Variants in ATP2A1 observed in about 807,000 individuals in gnomAD.
ATP2A1 encodes sarcoplasmic/endoplasmic reticulum calcium ATPase 1.
A neutral mutation model predicts 109.5 loss-of-function variants in ATP2A1; 83 were observed. The ratio of observed to expected loss-of-function variants is 0.76; its 90% confidence interval spans 0.63 to 0.91. The LOEUF (loss-of-function observed/expected upper bound fraction) is 0.91. Among genes scored for constraint, ATP2A1 ranks in the 40% least tolerant of loss-of-function variants. ATP2A1 has a pLI of 0.00. For missense variants in ATP2A1, 1,101 were observed against 1,341.0 expected (o/e 0.82, Z 2.80); for synonymous variants, 505 against 537.6 (o/e 0.94, Z 0.84).
Position 28,903,025 on chromosome 16 carries a change from T to C in ATP2A1, c.2745-5T>C. On this transcript the variant is annotated splice_polypyrimidine_tract_variant and splice_region_variant and intron_variant, in intron 19 of 22. Transcript: ENST00000395503. The surrounding 1 kb of genome is among the most constrained non-coding windows in gnomAD (Gnocchi z 5.6). Reference sequence around the variant, plus strand: ...GTGCCTTCTCCCTCCCCTTCCCCTCTGCAGCCTGTCCGAGAACCAGTCCCT... The same window carrying C: ...GTGCCTTCTCCCTCCCCTTCCCCTCCGCAGCCTGTCCGAGAACCAGTCCCT... 6.2e-7 allele frequency: 1 copy of C among 1,613,566 alleles called. No homozygotes were observed. Among genetic ancestry groups the C allele is most frequent in the Non-Finnish European group, 8.5e-7 (1 of 1,179,900 alleles).
chr16:28,896,883 G>T (rs965975118), intron 12 of ATP2A1, among the ~76,000 whole-genome samples: 13 of 151,816 alleles, frequency 8.6e-5, no homozygotes, highest in Admixed American at 8.5e-4. Flanking sequence ...AGTAGAGACG[G>T]GGTTTCTCCA....
chr16:28,887,789 T>C, intron 8 of ATP2A1, 67 bp downstream of exon 8: 1 of 1,569,658 alleles, frequency 6.4e-7, no homozygotes. Flanking sequence ...TTTCTTTTCT[T>C]TTCTTTTCTT....
chr16:28,888,278 C>T (rs1280021500), intron 8 of ATP2A1, among the ~76,000 whole-genome samples: 2 of 152,164 alleles, frequency 1.3e-5, no homozygotes, highest in East Asian at 3.9e-4. Context: ...AGCAATCCAC[C>T]CGCCTCGGCC....
At chr16:28,886,488 G>A (rs920615405) in intron 6 of ATP2A1, among the ~76,000 whole-genome samples, 3 of 152,096 alleles carry the variant, frequency 2.0e-5, no homozygotes, top group East Asian at 1.9e-4. Flanking sequence ...AGGCATGGTC[G>A]TAAGTGTAGG....
chr16:28,878,983 G>C, intron 1 of ATP2A1, 116 bp from the exon 2 acceptor site: 1 of 1,460,462 alleles, frequency 6.8e-7, no homozygotes, highest in Non-Finnish European at 9.6e-7. Context: ...GTTTTAATGG[G>C]ATGAACTTGA....
intron 9 of ATP2A1, among the ~76,000 whole-genome samples, chr16:28,893,049 A>T (rs1284722573): frequency 1.3e-5 from 2 of 150,888 alleles, no homozygotes; most frequent in Non-Finnish European, 2.9e-5. Flanking sequence ...AAAAAAAAAA[A>T]GAATTGCCCA....
chr16:28,880,484 TC>T lies in ATP2A1; in HGVS notation c.220-430del, dbSNP rs1963436826. Among the ~76,000 whole-genome samples the T allele has an allele frequency of 6.6e-6, 1 of 152,224 alleles. No homozygotes were observed. Among genetic ancestry groups the T allele is most frequent in the African/African-American group, 2.4e-5 (1 of 41,458 alleles). The stretch of plus-strand genomic sequence containing the variant: ...TAACCCTATCCCCGCTCCGGCTCCC[TC>T]GTGAAACCGGAGCTTCCCTGCCTTG... On this transcript the variant is annotated intron_variant, in intron 3 of 22. Coordinates refer to ENST00000395503, the MANE Select transcript of ATP2A1 (RefSeq NM_004320.6). The surrounding 1 kb of genome is among the most constrained non-coding windows in gnomAD (Gnocchi z 4.2).
intron 6 of ATP2A1, 101 bp downstream of exon 6, chr16:28,884,756 A>G (rs373651252): frequency 6.1e-6 from 7 of 1,138,572 alleles, no homozygotes; most frequent in Middle Eastern, 4.2e-4. Context: ...TCACTGTCTG[A>G]GCAACATAAA....
intron 1 of ATP2A1, 49 bp downstream of exon 1, chr16:28,878,838 C>T: frequency 6.3e-7 from 1 of 1,575,590 alleles, no homozygotes; most frequent in Middle Eastern, 1.7e-4. Flanking sequence ...CTCCTGCACC[C>T]CCAAAACACA....
intron 6 of ATP2A1, among the ~76,000 whole-genome samples, 194 bp from the exon 7 acceptor site, chr16:28,886,992 CAAA>C (rs559496019): frequency 9.4e-5 from 7 of 74,354 alleles, no homozygotes; most frequent in East Asian, 8.8e-4. Context: ...AACTCTGTCT[CAAA>C]AAAAAAAAAA....
At chr16:28,894,422 T>C in intron 10 of ATP2A1, 83 bp from the exon 11 acceptor site, 1 of 1,404,292 alleles carries the variant, frequency 7.1e-7, no homozygotes, top group Non-Finnish European at 9.9e-7. Context: ...CTCTGCTGCC[T>C]GCTCTTCCTG....
rs761592113 is a variant in ATP2A1, at chr16:28,898,365, C to T, written c.1678C>T (p.Arg560Cys). 2.0e-5 allele frequency: 32 copies of T among 1,614,074 alleles called. No homozygotes were observed. The highest frequency in any genetic ancestry group is 2.5e-5 in the Non-Finnish European group (29 of 1,180,046). Residue 560 changes from arginine to cysteine, a missense_variant, in exon 14 of 23, where the codon CGC (arginine) becomes TGC (cysteine). Coordinates refer to ENST00000395503, the MANE Select transcript of ATP2A1 (RefSeq NM_004320.6). This position sits in a 1 kb window ranked among gnomAD's most constrained non-coding sequence, Gnocchi z 4.0. ...GTGGGGCACTGGCCGGGACACCCTG[C>T]GCTGCTTGGCCCTGGCCACCCGGGA... The part of the protein sequence containing the change: ...KEWGTGRDTL[R>C]CLALATRDTP...
At chr16:28,897,717 G>A (rs1195201556) in intron 12 of ATP2A1, among the ~76,000 whole-genome samples, 1 of 152,016 alleles carries the variant, frequency 6.6e-6, no homozygotes, top group Non-Finnish European at 1.5e-5. Flanking sequence ...TGATTCACCC[G>A]CCTCAGCCTC....
At chr16:28,895,046 G>T in intron 12 of ATP2A1, 93 bp downstream of exon 12, 1 of 1,568,908 alleles carries the variant, frequency 6.4e-7, no homozygotes. Flanking sequence ...AGAGCCTAGT[G>T]CCTGTGCTGG....
chr16:28,903,078 C>T lies in ATP2A1; in HGVS notation c.2793C>T (p.Ile931=). The T allele has an allele frequency of 6.2e-7, 1 of 1,613,866 alleles. No homozygotes were observed. The highest frequency in any genetic ancestry group is 8.5e-7 in the Non-Finnish European group (1 of 1,180,004). Residue 931 remains isoleucine, a synonymous_variant, in exon 20 of 23, where the codon ATC becomes ATT. Transcript: ENST00000395503. The surrounding 1 kb of genome is among the most constrained non-coding windows in gnomAD (Gnocchi z 5.6). ...SLLRMPPWVN[I]WLLGSICLSM... is the part of the protein sequence containing the mutation. ...TGCGGATGCCACCCTGGGTGAACAT[C>T]TGGCTGCTGGGCTCCATCTGCCTCT... is the stretch of plus-strand genomic sequence containing the variant.
chr16:28,898,396 C>G lies in ATP2A1; in HGVS notation c.1709C>G (p.Pro570Arg). 1 of 1,614,194 alleles carries G rather than the reference C, an allele frequency of 6.2e-7. No individual in the cohort carries two copies. Among genetic ancestry groups the G allele is most frequent in the Non-Finnish European group, 8.5e-7 (1 of 1,180,040 alleles). ...TTGGCCCTGGCCACCCGGGACACCC[C>G]CCCGAAGCGAGAGGAAATGGTCCTG... ...RCLALATRDT[P>R]PKREEMVLDD... is the part of the protein sequence containing the mutation. Residue 570 changes from proline (P) to arginine (R), a missense_variant, in exon 14 of 23, where the codon CCC (proline) becomes CGC (arginine). By Grantham distance (103) the Pro-to-Arg change is moderately radical. Coordinates refer to ENST00000395503, the MANE Select transcript of ATP2A1 (RefSeq NM_004320.6). The surrounding 1 kb of genome is among the most constrained non-coding windows in gnomAD (Gnocchi z 4.0).
Position 28,880,059 on chromosome 16 carries a change from G to A in ATP2A1, c.219+476G>A. The A allele has an allele frequency of 1.0e-6, 1 of 1,004,572 alleles. No individual in the cohort carries two copies. The highest frequency in any genetic ancestry group is 1.2e-6 in the Non-Finnish European group (1 of 844,822). The allele number at this position is 1,004,572 out of a possible 1,614,324, so 62.2% of individuals were successfully genotyped here. A position where few individuals can be genotyped will look rare whatever the true frequency, so the allele number is the denominator to read the frequency against. On this transcript the variant is annotated intron_variant, in intron 3 of 22. Coordinates refer to ENST00000395503, the MANE Select transcript of ATP2A1 (RefSeq NM_004320.6). This position sits in a 1 kb window ranked among gnomAD's most constrained non-coding sequence, Gnocchi z 4.2. ...TCGCTCCTAGTGGCGGGAAAGCGCG[G>A]CGGTGTGATGATGACTCCAAGGAGC...
At chr16:28,882,395 A>G in intron 4 of ATP2A1, 56 bp from the exon 5 acceptor site, 2 of 1,596,020 alleles carry the variant, frequency 1.3e-6, no homozygotes, top group Non-Finnish European at 1.7e-6. Flanking sequence ...AGGAGCCACA[A>G]CTCCATAACT....
In ATP2A1 at chr16:28,903,714, C is replaced by T; in HGVS notation, c.*10C>T. The stretch of plus-strand genomic sequence containing the variant: ...TCTGGCCATAGGATAACTGTTCCCC[C>T]TCCTCCATCTCTGAGCCCGTGTCAC... On this transcript the variant is annotated 3_prime_UTR_variant, in exon 22 of 23. Transcript: ENST00000395503. The surrounding 1 kb of genome is among the most constrained non-coding windows in gnomAD (Gnocchi z 5.6). 1 of 1,607,062 alleles carries T rather than the reference C, an allele frequency of 6.2e-7. No homozygotes were observed. The highest frequency in any genetic ancestry group is 1.1e-5 in the South Asian group (1 of 91,020).
Sources: allele counts gnomAD v4.1 joint callset (sites outside exome capture counted in the v4.1 genomes callset), GRCh38; gene constraint gnomAD v4.1.1; non-coding constraint Gnocchi (gnomAD v3.1); transcripts MANE v1.5; gene names NCBI Gene and HGNC (gene_info 2026-07-23, HGNC 2026-07-21).